ST8SIA4: variants seen among roughly 807,000 people sequenced by gnomAD.
ST8SIA4 encodes CMP-N-acetylneuraminate-poly-alpha-2,8-sialyltransferase.
A neutral mutation model predicts 33.9 loss-of-function variants in ST8SIA4; 15 were observed. That is an observed-to-expected ratio of 0.44 (90% confidence interval 0.30 to 0.68). ST8SIA4 has a LOEUF of 0.68. Among genes scored for constraint, ST8SIA4 ranks in the 30% least tolerant of loss-of-function variants. The probability of loss-of-function intolerance (pLI) is 0.10; values close to 1 mark genes in which losing one functional copy is unlikely to be tolerated. For missense variants in ST8SIA4, 321 were observed against 428.0 expected, an observed-to-expected ratio of 0.75 and a Z score of 2.21; for synonymous variants, 171 against 151.2, an observed-to-expected ratio of 1.13 and a Z score of -0.96.
At chr5:100,864,790 CA>C (rs1752028233) in intron 3 of ST8SIA4, among the ~76,000 whole-genome samples, 1 of 152,058 alleles carries the variant, frequency 6.6e-6, no homozygotes, top group Admixed American at 6.6e-5. Context: ...TGAGACATAA[CA>C]TACACATAAC....
intron 4 of ST8SIA4, among the ~76,000 whole-genome samples, chr5:100,847,778 T>A (rs1751599335): frequency 6.6e-6 from 1 of 152,092 alleles, no homozygotes; most frequent in Admixed American, 6.6e-5. Context: ...AAGACGTAAT[T>A]TTTCCCTCTT....
intron 4 of ST8SIA4, among the ~76,000 whole-genome samples, chr5:100,842,531 C>T (rs1751490605): frequency 6.6e-6 from 1 of 151,748 alleles, no homozygotes; most frequent in African/African-American, 2.4e-5. Context: ...AACACTATCC[C>T]CAGTTTTTAT....
intron 2 of ST8SIA4, among the ~76,000 whole-genome samples, chr5:100,894,904 G>A (rs905766724): frequency 6.6e-6 from 1 of 152,000 alleles, no homozygotes; most frequent in African/African-American, 2.4e-5. Flanking sequence ...CACTTTTAGT[G>A]AGTTCTTGTT....
intron 3 of ST8SIA4, among the ~76,000 whole-genome samples, chr5:100,865,473 A>C (rs1752041556): frequency 6.6e-6 from 1 of 151,906 alleles, no homozygotes; most frequent in African/African-American, 2.4e-5. Context: ...AACTACTCTA[A>C]CTCTTCAGTT....
chr5:100,829,639 A>G (rs1403894874), intron 4 of ST8SIA4, among the ~76,000 whole-genome samples: 1 of 152,136 alleles, frequency 6.6e-6, no homozygotes, highest in African/African-American at 2.4e-5. Context: ...GCCGGGCGCG[A>G]TGGCTCACAC....
chr5:100,879,626 T>C (rs1277852074), intron 3 of ST8SIA4, among the ~76,000 whole-genome samples: 1 of 152,188 alleles, frequency 6.6e-6, no homozygotes. Context: ...ACTGAGTTTA[T>C]GTAAATTCAA....
chr5:100,849,458 C>T (rs1299482747), intron 4 of ST8SIA4: 7 of 985,084 alleles, frequency 7.1e-6, no homozygotes, highest in Non-Finnish European at 8.4e-6. Flanking sequence ...TTCGCAGAAC[C>T]TGCAAAATAC....
Position 100,835,968 on chromosome 5 carries a change from C to G in ST8SIA4, c.797+20135G>C, listed in dbSNP as rs139271370. 3.6e-3 allele frequency among the ~76,000 whole-genome samples: 553 copies of G among 152,026 alleles called. 2 individuals carry two copies. Among genetic ancestry groups the G allele is most frequent in the African/African-American group, 0.012 (503 of 41,490 alleles). On this transcript the variant is annotated intron_variant, in intron 4 of 4. Coordinates refer to ENST00000231461, the MANE Select transcript of ST8SIA4 (RefSeq NM_005668.6). ...CTAGGTCTCCTATTTGTTTTTCTAA[C>G]CAAAATTCATTTATGTATTTCAAGA... is the stretch of plus-strand genomic sequence containing the variant.
At chr5:100,830,205 A>G (rs1751225793) in intron 4 of ST8SIA4, among the ~76,000 whole-genome samples, 1 of 152,228 alleles carries the variant, frequency 6.6e-6, no homozygotes, top group Non-Finnish European at 1.5e-5. Context: ...AGTTTACAAG[A>G]CATTCTGTGC....
chr5:100,820,890 T>C (rs1437034238), intron 4 of ST8SIA4, among the ~76,000 whole-genome samples: 1 of 152,104 alleles, frequency 6.6e-6, no homozygotes, highest in East Asian at 1.9e-4. Context: ...AAATTGGAGG[T>C]AGAGTAAAAT....
chr5:100,866,383 GTTTAA>G (rs1044709792), intron 3 of ST8SIA4, among the ~76,000 whole-genome samples: 47 of 152,006 alleles, frequency 3.1e-4, no homozygotes, highest in African/African-American at 9.9e-4. Flanking sequence ...TTGATTAATT[GTTTAA>G]TTTAATGATC....
intron 3 of ST8SIA4, among the ~76,000 whole-genome samples, chr5:100,882,914 G>C (rs765829209): frequency 6.6e-6 from 1 of 152,248 alleles, no homozygotes; most frequent in African/African-American, 2.4e-5. Flanking sequence ...GCAGAAGTTC[G>C]CTGCAGGGGC....
intron 2 of ST8SIA4, among the ~76,000 whole-genome samples, chr5:100,892,056 A>G (rs1752681339): frequency 6.6e-6 from 1 of 152,118 alleles, no homozygotes; most frequent in Admixed American, 6.6e-5. Context: ...AAGAGCTGAA[A>G]TATTTTTTCT....
intron 4 of ST8SIA4, among the ~76,000 whole-genome samples, chr5:100,824,704 A>G (rs896123919): frequency 6.6e-6 from 1 of 152,146 alleles, no homozygotes; most frequent in Admixed American, 6.5e-5. Context: ...CAGTTCCTTA[A>G]TCAAATAAGA....
chr5:100,867,927 A>G (rs1752110076), intron 3 of ST8SIA4, among the ~76,000 whole-genome samples: 1 of 151,974 alleles, frequency 6.6e-6, no homozygotes, highest in Admixed American at 6.6e-5. Flanking sequence ...GCAATTTCAC[A>G]TTTATTACAC....
intron 3 of ST8SIA4, among the ~76,000 whole-genome samples, chr5:100,859,982 A>T (rs964906372): frequency 1.3e-5 from 2 of 152,148 alleles, no homozygotes; most frequent in Non-Finnish European, 2.9e-5. Context: ...CAATGACATA[A>T]TCTATCCAAT....
intron 3 of ST8SIA4, among the ~76,000 whole-genome samples, chr5:100,868,139 C>A (rs1315674054): frequency 6.6e-6 from 1 of 151,964 alleles, no homozygotes; most frequent in African/African-American, 2.4e-5. Flanking sequence ...GAGGTACCAC[C>A]ATGTTTCTTT....
chr5:100,844,280 C>A (rs1034325106), intron 4 of ST8SIA4, among the ~76,000 whole-genome samples: 9 of 152,044 alleles, frequency 5.9e-5, no homozygotes, highest in African/African-American at 2.2e-4. Context: ...AACTATTGAA[C>A]AATATTTCCC....
At position 100,809,925 on chromosome 5, in the gene ST8SIA4, A is replaced by C. The variant is rs987476370; in HGVS notation, c.*1922T>G. ...ATGACATCTAATTAAAAATATTGAG[A>C]ACTGTACTACTGTGAATATCCTTTT... On this transcript the variant is annotated 3_prime_UTR_variant, in exon 5 of 5. Transcript: ENST00000231461. 1 of 151,758 alleles carries C rather than the reference A, an allele frequency of 6.6e-6. No individual in the cohort carries two copies. Among genetic ancestry groups the C allele is most frequent in the African/African-American group, 2.4e-5 (1 of 41,276 alleles). 9.4% of individuals were successfully genotyped at this position (151,758 alleles called of 1,614,324 possible).
Sources: gnomAD v4.1 joint callset for allele counts (sites outside exome capture counted in the v4.1 genomes callset) on GRCh38, gnomAD v4.1.1 for gene constraint, MANE v1.5 for transcripts, NCBI Gene and HGNC (gene_info 2026-07-23, HGNC 2026-07-21) for gene names.